KIRREL1: variants seen among roughly 807,000 people sequenced by gnomAD.
KIRREL1 encodes kin of IRRE-like protein 1.
Under a neutral mutation model 83.3 loss-of-function variants are expected in KIRREL1, and 25 were observed. The ratio of observed to expected loss-of-function variants is 0.30; its 90% CI spans 0.22 to 0.42. The LOEUF is 0.42. KIRREL1 is among the 10% of genes least tolerant of loss of function. The pLI is 1.00. For missense variants in KIRREL1, 812 were observed against 1,032.3 expected (o/e 0.79, Z 2.92); for synonymous variants, 388 against 410.4 (o/e 0.95, Z 0.66).
chr1:157,994,923 C>T (rs1482938504), intron 1 of KIRREL1, among the ~76,000 whole-genome samples: 1 of 152,150 alleles, frequency 6.6e-6, no homozygotes, highest in African/African-American at 2.4e-5. Context: ...TACAACTATA[C>T]ACAGTACATG....
intron 1 of KIRREL1, among the ~76,000 whole-genome samples, chr1:158,032,215 G>C (rs1173870012): frequency 6.6e-6 from 1 of 152,264 alleles, no homozygotes; most frequent in Non-Finnish European, 1.5e-5. Flanking sequence ...AACTAGATCA[G>C]GGTTGAGAAG....
At position 158,029,364 on chromosome 1, in the gene KIRREL1, T is replaced by TGTGTGTGTGTGTGC. The variant is rs1553238107; in HGVS notation, c.52+35639_52+35640insTGTGTGTGTGCGTG. ...GTGTGTGTGTGTGTGTGTGTGTGTGTGTGCACGTGCGCGCGCATGCACACA... is the reference window on the plus strand; with the variant it reads ...GTGTGTGTGTGTGTGTGTGTGTGTGTGTGTGTGTGTGTGCGTGCACGTGCGCGCGCATGCACACA... On this transcript the variant is annotated intron_variant, in intron 1 of 14. Transcript: ENST00000359209. 1.2e-4 allele frequency among the ~76,000 whole-genome samples: 18 copies of TGTGTGTGTGTGTGC among 147,740 alleles called. No individual in the cohort carries two copies. In the East Asian group the frequency reaches 3.1e-3, roughly 26 times the overall value.
intron 1 of KIRREL1, among the ~76,000 whole-genome samples, chr1:158,058,284 C>T (rs1661120886): frequency 1.3e-5 from 2 of 152,166 alleles, no homozygotes; most frequent in African/African-American, 4.8e-5. Context: ...CCTCTAACTT[C>T]CTAGGAAGAC....
At chr1:158,051,243 A>G (rs1660903721) in intron 1 of KIRREL1, among the ~76,000 whole-genome samples, 1 of 152,148 alleles carries the variant, frequency 6.6e-6, no homozygotes, top group African/African-American at 2.4e-5. Context: ...GCCTGTGCTT[A>G]TGCTGTTCCC....
chr1:158,070,828 T>C (rs1661490862), intron 1 of KIRREL1, among the ~76,000 whole-genome samples: 1 of 152,120 alleles, frequency 6.6e-6, no homozygotes, highest in Non-Finnish European at 1.5e-5. Flanking sequence ...AGCACAGAGC[T>C]GCCACGCCAA....
At chr1:158,004,724 A>G (rs1000152371) in intron 1 of KIRREL1, among the ~76,000 whole-genome samples, 1 of 152,146 alleles carries the variant, frequency 6.6e-6, no homozygotes, top group Non-Finnish European at 1.5e-5. Context: ...TGGGCGCATC[A>G]CTTTACATCA....
intron 1 of KIRREL1, among the ~76,000 whole-genome samples, chr1:158,009,246 T>C (rs907613727): frequency 1.3e-5 from 2 of 152,144 alleles, no homozygotes; most frequent in Non-Finnish European, 2.9e-5. Context: ...CCTGGACATA[T>C]TGAATTTTCT....
rs150914470 is a variant in KIRREL1, at chr1:158,015,501, C to T, written c.52+21773C>T. ...AACTGAGCATTTGGTGCTGTGCCAC[C>T]AGCCCTCACTGAGGAATGCTTTAAG... On this transcript the variant is annotated intron_variant, in intron 1 of 14. Coordinates refer to ENST00000359209, the MANE Select transcript of KIRREL1 (RefSeq NM_018240.7). 7.7e-4 allele frequency among the ~76,000 whole-genome samples: 118 copies of T among 152,312 alleles called. 1 individual carries two copies. The highest frequency in any genetic ancestry group is 3.7e-3 in the Admixed American group (57 of 15,298).
chr1:158,052,045 C>G (rs1029282918), intron 1 of KIRREL1, among the ~76,000 whole-genome samples: 1 of 152,222 alleles, frequency 6.6e-6, no homozygotes, highest in Non-Finnish European at 1.5e-5. Context: ...TACCCTCCCT[C>G]TAACTACTGG....
intron 1 of KIRREL1, among the ~76,000 whole-genome samples, chr1:158,018,002 A>G (rs1002096831): frequency 6.6e-6 from 1 of 152,182 alleles, no homozygotes; most frequent in African/African-American, 2.4e-5. Context: ...GGAACTGGCA[A>G]CCGGCAACTC....
At position 158,088,411 on chromosome 1, in the gene KIRREL1, A is replaced by T; in HGVS notation, c.1001A>T (p.Asn334Ile). 7.0e-7 allele frequency: 1 copy of T among 1,436,114 alleles called. No individual in the cohort carries two copies. The highest frequency in any genetic ancestry group is 1.1e-5 in the South Asian group (1 of 87,534). 89.0% of individuals were successfully genotyped at this position (1,436,114 alleles called of 1,614,324 possible). Residue 334 changes from asparagine (N) to isoleucine (I), a missense_variant, in exon 8 of 15, where the codon AAT becomes ATT. Around this residue, in one of 3 missense-constraint regions of KIRREL1, gnomAD observed 472 missense variants for 626.8 expected, o/e 0.75. Transcript: ENST00000359209. Reference protein sequence around the residue: ...DVTLTCVWVGNPPLTLTWTKK... With the variant: ...DVTLTCVWVGIPPLTLTWTKK... ...ACCCTTACCTGTGTCTGGGTTGGGA[A>T]TCCCCCCCTCACTCTCACCTGGACC...
At chr1:158,076,364 A>T in intron 2 of KIRREL1, 102 bp downstream of exon 2, 1 of 1,043,086 alleles carries the variant, frequency 9.6e-7, no homozygotes, top group South Asian at 1.5e-5. Flanking sequence ...TTCCCTCACC[A>T]CCCTCCTCTG....
chr1:158,094,232 T>G lies in KIRREL1; in HGVS notation c.1720-81T>G. 8.1e-7 allele frequency: 1 copy of G among 1,230,590 alleles called. No homozygotes were observed. Among genetic ancestry groups the G allele is most frequent in the Non-Finnish European group, 1.2e-6 (1 of 853,472 alleles). 76.2% of individuals were successfully genotyped at this position (1,230,590 alleles called of 1,614,324 possible). On this transcript the variant is annotated intron_variant, in intron 13 of 14. Coordinates refer to ENST00000359209, the MANE Select transcript of KIRREL1 (RefSeq NM_018240.7). The surrounding 1 kb of genome is among the most constrained non-coding windows in gnomAD (Gnocchi z 4.6). ...AGACCCCACCCATGAGCAGGTGGCC[T>G]CTGAGCGTGGGGAGGGGTTGGTGAG...
At chr1:158,045,764 C>T (rs1271874901) in intron 1 of KIRREL1, among the ~76,000 whole-genome samples, 1 of 152,214 alleles carries the variant, frequency 6.6e-6, no homozygotes. Flanking sequence ...TGTCATGTGG[C>T]TCAGTGCCCT....
At chr1:158,024,850 G>A (rs1437368552) in intron 1 of KIRREL1, among the ~76,000 whole-genome samples, 1 of 152,174 alleles carries the variant, frequency 6.6e-6, no homozygotes, top group Non-Finnish European at 1.5e-5. Context: ...AGGGAGGGGT[G>A]CGGAAAAACC....
chr1:158,026,351 T>A (rs1186579102), intron 1 of KIRREL1, among the ~76,000 whole-genome samples: 1 of 152,188 alleles, frequency 6.6e-6, no homozygotes, highest in Non-Finnish European at 1.5e-5. Flanking sequence ...CTAGTATATC[T>A]TCACTGTAGA....
intron 1 of KIRREL1, among the ~76,000 whole-genome samples, chr1:158,046,792 G>A (rs1660790368): frequency 6.6e-6 from 1 of 152,156 alleles, no homozygotes; most frequent in African/African-American, 2.4e-5. Flanking sequence ...GTAGGTCATT[G>A]GTAACTCAGC....
intron 1 of KIRREL1, among the ~76,000 whole-genome samples, chr1:158,045,297 C>T (rs1176836114): frequency 6.6e-6 from 1 of 152,176 alleles, no homozygotes; most frequent in Non-Finnish European, 1.5e-5. Context: ...GCCCAGAATC[C>T]ACAGGTTAGG....
chr1:158,059,575 G>A (rs1302248101), intron 1 of KIRREL1, among the ~76,000 whole-genome samples: 2 of 152,232 alleles, frequency 1.3e-5, no homozygotes, highest in African/African-American at 4.8e-5. Flanking sequence ...GAAAAAAACT[G>A]GGATTAGAGT....
Sources: allele counts gnomAD v4.1 joint callset (sites outside exome capture counted in the v4.1 genomes callset), GRCh38; gene constraint gnomAD v4.1.1; regional missense constraint gnomAD v4.1.1; non-coding constraint Gnocchi (gnomAD v3.1); transcripts MANE v1.5; gene names NCBI Gene and HGNC (gene_info 2026-07-23, HGNC 2026-07-21).